Variants in NR3C1 observed in about 807,000 individuals in gnomAD.
The protein encoded by NR3C1 is nuclear receptor subfamily 3 group C member 1, also known as glucocorticoid receptor.
NR3C1 carries 14 observed loss-of-function variants against 74.0 expected under a neutral mutation model. The observed-to-expected ratio is 0.19, with a 90% CI of 0.12 to 0.30. The LOEUF is 0.30. NR3C1 is among the 10% of genes least tolerant of loss of function. NR3C1 has a pLI of 1.00. For missense variants in NR3C1, 695 were observed against 909.8 expected (o/e 0.76, Z 3.04); for synonymous variants, 308 against 332.5 (o/e 0.93, Z 0.80).
chr5:143,363,737 T>C (rs948343600), intron 2 of NR3C1, among the ~76,000 whole-genome samples: 7 of 152,132 alleles, frequency 4.6e-5, no homozygotes, highest in African/African-American at 1.7e-4. Context: ...AATTTTGAAG[T>C]AGAATAACTG....
At chr5:143,284,538 C>T (rs1421957964) in intron 7 of NR3C1, among the ~76,000 whole-genome samples, 3 of 147,910 alleles carry the variant, frequency 2.0e-5, no homozygotes, top group African/African-American at 7.4e-5. Context: ...AGTTTTTTTC[C>T]CTGCCGTATA....
At chr5:143,416,947 AT>A (rs906194477) in intron 1 of NR3C1, among the ~76,000 whole-genome samples, 1 of 151,802 alleles carries the variant, frequency 6.6e-6, no homozygotes, top group African/African-American at 2.4e-5. Context: ...TCAGGTTTCT[AT>A]TTTTTTTATT....
intron 2 of NR3C1, among the ~76,000 whole-genome samples, chr5:143,344,395 T>C (rs887994001): frequency 2.4e-4 from 37 of 152,224 alleles, no homozygotes; most frequent in African/African-American, 8.7e-4. Flanking sequence ...CTAAGTACTT[T>C]ATTAATTCTA....
intron 2 of NR3C1, among the ~76,000 whole-genome samples, chr5:143,359,234 A>G (rs1024918136): frequency 1.3e-5 from 2 of 152,170 alleles, no homozygotes; most frequent in African/African-American, 4.8e-5. Context: ...ATAAAGCCCA[A>G]ACTTTAACAA....
At chr5:143,293,915 T>C (rs943405972) in intron 7 of NR3C1, 2 of 983,236 alleles carry the variant, frequency 2.0e-6, no homozygotes, top group African/African-American at 3.5e-5. Flanking sequence ...AGGCACTGAA[T>C]TATACCTTCA....
intron 2 of NR3C1, among the ~76,000 whole-genome samples, chr5:143,368,197 A>G (rs1178622814): frequency 2.6e-5 from 4 of 152,226 alleles, no homozygotes; most frequent in East Asian, 1.9e-4. Context: ...ACACAAAAGA[A>G]TAAGTTAGAG....
chr5:143,283,761 T>C (rs749159149), intron 7 of NR3C1, among the ~76,000 whole-genome samples: 24 of 152,298 alleles, frequency 1.6e-4, no homozygotes, highest in Admixed American at 4.6e-4. Context: ...TTAATCATGG[T>C]TTCACTTAAT....
chr5:143,347,445 G>A (rs988268850), intron 2 of NR3C1, among the ~76,000 whole-genome samples: 1 of 152,056 alleles, frequency 6.6e-6, no homozygotes, highest in Admixed American at 6.5e-5. Flanking sequence ...TTTTTACAGG[G>A]CATCACACTA....
At chr5:143,407,313 TAA>T (rs931620992), upstream of NR3C1, 3 of 152,248 alleles carry the variant, frequency 2.0e-5, no homozygotes, top group African/African-American at 7.2e-5. Context: ...AATGGGTTAA[TAA>T]AAAGTGTACA....
At chr5:143,312,051 A>C (rs1821102942) in intron 3 of NR3C1, among the ~76,000 whole-genome samples, 2 of 152,080 alleles carry the variant, frequency 1.3e-5, no homozygotes. Flanking sequence ...CTTTCTAACT[A>C]ATAGAAAGAT....
At position 143,280,269 on chromosome 5, in the gene NR3C1, T is replaced by C. The variant is rs1300872932; in HGVS notation, c.*1620A>G. The C allele has an allele frequency of 1.3e-5, 2 of 152,642 alleles. No homozygotes were observed. Among genetic ancestry groups the C allele is most frequent in the African/African-American group, 4.8e-5 (2 of 41,468 alleles). The allele number at this position is 152,642 out of a possible 1,614,324, so 9.5% of individuals were successfully genotyped here. On this transcript the variant is annotated 3_prime_UTR_variant, in exon 9 of 9. Coordinates refer to ENST00000394464, the MANE Select transcript of NR3C1 (RefSeq NM_000176.3). ...TTACACTATACAAGCTATTTTACAATCATTTTAATAAATTGCATGTAAAGC... is the reference window on the plus strand; with the variant it reads ...TTACACTATACAAGCTATTTTACAACCATTTTAATAAATTGCATGTAAAGC...
chr5:143,388,977 C>T (rs948961706), intron 2 of NR3C1, among the ~76,000 whole-genome samples: 1 of 152,204 alleles, frequency 6.6e-6, no homozygotes, highest in African/African-American at 2.4e-5. Flanking sequence ...ATCTAGTCAA[C>T]TAATTCTTTC....
At chr5:143,340,856 A>G (rs548866891) in intron 2 of NR3C1, among the ~76,000 whole-genome samples, 1 of 152,250 alleles carries the variant, frequency 6.6e-6, no homozygotes, top group East Asian at 1.9e-4. Context: ...TTGGGGATAC[A>G]TGTGAGGGTT....
At chr5:143,289,397 A>G (rs1034328866) in intron 7 of NR3C1, among the ~76,000 whole-genome samples, 1 of 152,192 alleles carries the variant, frequency 6.6e-6, no homozygotes, top group South Asian at 2.1e-4. Flanking sequence ...GATTTTGGGG[A>G]AGAAAATGAA....
At chr5:143,327,006 T>C (rs1357679441) in intron 2 of NR3C1, among the ~76,000 whole-genome samples, 1 of 152,214 alleles carries the variant, frequency 6.6e-6, no homozygotes, top group Non-Finnish European at 1.5e-5. Flanking sequence ...TAGCTGCTAT[T>C]TACTTAGCAC....
chr5:143,382,730 C>T (rs1479579083), intron 2 of NR3C1, among the ~76,000 whole-genome samples: 1 of 152,196 alleles, frequency 6.6e-6, no homozygotes, highest in African/African-American at 2.4e-5. Context: ...GATATCAAAA[C>T]TAGCTCCATT....
rs10036628 is a variant in NR3C1 at position 143,354,768 on chromosome 5, C to T, written c.1185-40600G>A. On this transcript the variant is annotated intron_variant, in intron 2 of 8. Transcript: ENST00000394464. ...GGAATCCCCATCTCTACTAAAAATA[C>T]AAAAATTAGCCAGGCGTGGTGGCAC... Among the ~76,000 whole-genome samples the T allele has an allele frequency of 4.2e-3, 638 of 151,810 alleles. 2 individuals carry two copies. Among genetic ancestry groups the T allele is most frequent in the African/African-American group, 0.015 (612 of 41,426 alleles).
At chr5:143,405,327 C>T (rs979063332), upstream of NR3C1, 3 of 985,536 alleles carry the variant, frequency 3.0e-6, no homozygotes, top group South Asian at 4.7e-5. Context: ...CACAGCCACT[C>T]TCTCACCTCC....
rs1180600405 is a variant in NR3C1 at position 143,403,279 on chromosome 5, C to T, written c.-82G>A. The stretch of plus-strand genomic sequence containing the variant: ...GCCGCAGCCGAGATAAACAACTTAG[C>T]TTGTGAACGCAGAAGGAGCAGGAGG... On this transcript the variant is annotated 5_prime_UTR_variant, in exon 1 of 9. Coordinates refer to ENST00000394464, the MANE Select transcript of NR3C1 (RefSeq NM_000176.3). 22 of 985,546 alleles carry T rather than the reference C, an allele frequency of 2.2e-5. No individual in the cohort carries two copies. The highest frequency in any genetic ancestry group is 5.2e-4 in the Middle Eastern group (1 of 1,914). 61.1% of individuals were successfully genotyped at this position (985,546 alleles called of 1,614,324 possible).
Sources: allele counts gnomAD v4.1 joint callset (sites outside exome capture counted in the v4.1 genomes callset), GRCh38; gene constraint gnomAD v4.1.1; transcripts MANE v1.5; gene names NCBI Gene and HGNC (gene_info 2026-07-23, HGNC 2026-07-21).